IMMP2L: variants seen among roughly 807,000 people sequenced by gnomAD.
The protein encoded by IMMP2L is mitochondrial inner membrane protease subunit 2.
IMMP2L carries 18 observed loss-of-function variants against 19.3 expected under a neutral mutation model. The observed-to-expected ratio is 0.93, with a 90% confidence interval of 0.64 to 1.38. The LOEUF (loss-of-function observed/expected upper bound fraction) is 1.38, where lower values mean the gene tolerates loss of function less well. Among genes scored for constraint, IMMP2L ranks in the 40% most tolerant of loss-of-function variants. The pLI is 0.00. For missense variants in IMMP2L, 233 were observed against 218.2 expected (o/e 1.07, Z -0.43); for synonymous variants, 76 against 73.0 (o/e 1.04, Z -0.21).
At chr7:110,836,115 T>C (rs187096821) in intron 5 of IMMP2L, among the ~76,000 whole-genome samples, 2 of 152,240 alleles carry the variant, frequency 1.3e-5, no homozygotes, top group South Asian at 2.1e-4. Flanking sequence ...GAGTTCTTTG[T>C]AAACATGTGA....
At chr7:111,078,931 T>C (rs1486560732) in intron 3 of IMMP2L, among the ~76,000 whole-genome samples, 1 of 152,064 alleles carries the variant, frequency 6.6e-6, no homozygotes, top group Non-Finnish European at 1.5e-5. Context: ...GGTTTCACCA[T>C]GTTGGCCAGG....
rs192779855 is a variant in IMMP2L, at chr7:110,718,937, C to A, written c.409-55216G>T. ...ACACAAATGAGGCTGGCTGAAGCTG[C>A]AAATGACTAGATCAAGGGGTCCTCC... On this transcript the variant is annotated intron_variant, in intron 5 of 5. Coordinates refer to ENST00000405709, the MANE Select transcript of IMMP2L (RefSeq NM_032549.4). Among the ~76,000 whole-genome samples, 24 of 152,266 alleles carry A rather than the reference C, an allele frequency of 1.6e-4. 1 individual carries two copies. In the East Asian group the frequency reaches 4.0e-3, roughly 26 times the overall value.
chr7:111,381,017 A>G (rs895594467), intron 3 of IMMP2L, among the ~76,000 whole-genome samples: 1 of 152,020 alleles, frequency 6.6e-6, no homozygotes, highest in African/African-American at 2.4e-5. Context: ...AAAAATAAAT[A>G]GATCTGAGAA....
chr7:111,461,175 A>G (rs1840103647), intron 3 of IMMP2L, among the ~76,000 whole-genome samples: 1 of 152,092 alleles, frequency 6.6e-6, no homozygotes, highest in Non-Finnish European at 1.5e-5. Flanking sequence ...AAGCCTTTCC[A>G]ATATTTCAAA....
rs575390822 is a variant in IMMP2L at position 111,462,157 on chromosome 7, C to CA, written c.239+25080dup. Among the ~76,000 whole-genome samples, 11 of 151,946 alleles carry CA rather than the reference C, an allele frequency of 7.2e-5. No individual in the cohort carries two copies. The South Asian group carries it at 2.1e-3, about 29-fold the overall frequency. ...TTAAATCATCAACCAAAGTAAGACT[C>CA]AAAGTATAACCAGTAATTGTTTGAG... On this transcript the variant is annotated intron_variant, in intron 3 of 5. Transcript: ENST00000405709.
chr7:110,765,703 G>C (rs972197467), intron 5 of IMMP2L, among the ~76,000 whole-genome samples: 5 of 152,110 alleles, frequency 3.3e-5, no homozygotes, highest in Non-Finnish European at 7.4e-5. Context: ...GCAGTGCGCT[G>C]TCTGTTTAGA....
At chr7:110,832,345 G>A (rs1272108190) in intron 5 of IMMP2L, among the ~76,000 whole-genome samples, 1 of 152,130 alleles carries the variant, frequency 6.6e-6, no homozygotes, top group Non-Finnish European at 1.5e-5. Flanking sequence ...TCGTTATCCT[G>A]GTATATTCAT....
At chr7:110,857,606 G>A (rs1311089475) in intron 5 of IMMP2L, among the ~76,000 whole-genome samples, 1 of 151,962 alleles carries the variant, frequency 6.6e-6, no homozygotes, top group Non-Finnish European at 1.5e-5. Flanking sequence ...GAAATTCCAG[G>A]AATAGAGCTC....
At chr7:111,223,949 T>C (rs73201091) in intron 3 of IMMP2L, among the ~76,000 whole-genome samples, 14,423 of 152,058 alleles carry the variant, frequency 0.095, 978 homozygotes, top group Non-Finnish European at 0.15. Flanking sequence ...ACCAGCTACA[T>C]AGACTAGGGA....
chr7:110,870,482 G>A lies in IMMP2L; in HGVS notation c.408+16111C>T, dbSNP rs911154712. On this transcript the variant is annotated intron_variant, in intron 5 of 5. Transcript: ENST00000405709. The surrounding 1 kb of genome is among the most constrained non-coding windows in gnomAD (Gnocchi z 4.2). ...TGAAGCTCAATTTTCTATTGGAGGA[G>A]ATAAAAATATAAACATGAATAAAGA... 6.6e-6 allele frequency among the ~76,000 whole-genome samples: 1 copy of A among 152,090 alleles called. No homozygotes were observed. The highest frequency in any genetic ancestry group is 2.4e-5 in the African/African-American group (1 of 41,424).
intron 3 of IMMP2L, among the ~76,000 whole-genome samples, chr7:111,161,898 T>C (rs1352017247): frequency 6.6e-6 from 1 of 152,074 alleles, no homozygotes; most frequent in Non-Finnish European, 1.5e-5. Context: ...CTAAAATGTC[T>C]CCACTTCAAA....
chr7:110,729,287 C>G (rs1287726713), intron 5 of IMMP2L, among the ~76,000 whole-genome samples: 1 of 152,116 alleles, frequency 6.6e-6, no homozygotes, highest in Non-Finnish European at 1.5e-5. Context: ...GCTGGGGAGG[C>G]CTCAAGAAAC....
intron 5 of IMMP2L, among the ~76,000 whole-genome samples, chr7:110,691,621 T>TA (rs1554395490): frequency 6.6e-6 from 1 of 150,500 alleles, no homozygotes; most frequent in Non-Finnish European, 1.5e-5. Context: ...AAGAAAAAAA[T>TA]AAAAAATCCT....
chr7:111,100,588 C>A (rs1797870122), intron 3 of IMMP2L, among the ~76,000 whole-genome samples: 1 of 150,524 alleles, frequency 6.6e-6, no homozygotes, highest in South Asian at 2.1e-4. Context: ...TAATATAATT[C>A]AACTAATCTA....
At chr7:110,876,657 T>A (rs756742216) in intron 5 of IMMP2L, among the ~76,000 whole-genome samples, 1 of 152,174 alleles carries the variant, frequency 6.6e-6, no homozygotes, top group African/African-American at 2.4e-5. Flanking sequence ...TAAGGACTCT[T>A]ATGAGTCAAT....
chr7:110,717,226 C>T (rs1012888655), intron 5 of IMMP2L, among the ~76,000 whole-genome samples: 15 of 152,194 alleles, frequency 9.9e-5, no homozygotes, highest in African/African-American at 3.6e-4. Flanking sequence ...GCTGTAATCC[C>T]AGCACTTTGG....
At chr7:110,944,486 C>CGT (rs760255065) in intron 4 of IMMP2L, among the ~76,000 whole-genome samples, 4 of 151,534 alleles carry the variant, frequency 2.6e-5, no homozygotes, top group Non-Finnish European at 5.9e-5. Context: ...TGTGTGTGCG[C>CGT]GTGTGTGTGT....
intron 3 of IMMP2L, among the ~76,000 whole-genome samples, chr7:111,159,141 A>T (rs1256189886): frequency 1.3e-5 from 2 of 152,120 alleles, no homozygotes; most frequent in African/African-American, 4.8e-5. Context: ...TTAGAGACGG[A>T]GTCTCGCTCT....
chr7:111,288,071 A>AT (rs760266688), intron 3 of IMMP2L, among the ~76,000 whole-genome samples: 26 of 152,042 alleles, frequency 1.7e-4, no homozygotes, highest in Non-Finnish European at 3.4e-4. Flanking sequence ...TTTATTACAG[A>AT]TTTTTTTTGG....
Sources: gnomAD v4.1 joint callset for allele counts (sites outside exome capture counted in the v4.1 genomes callset) on GRCh38, gnomAD v4.1.1 for gene constraint, Gnocchi (gnomAD v3.1) non-coding constraint, MANE v1.5 for transcripts, NCBI Gene and HGNC (gene_info 2026-07-23, HGNC 2026-07-21) for gene names.